Variants in FAF1 observed in about 807,000 individuals in gnomAD.
The protein encoded by FAF1 is Fas associated factor 1.
Under a neutral mutation model 92.5 loss-of-function variants are expected in FAF1, and 25 were observed. The observed-to-expected ratio is 0.27, with a 90% CI of 0.20 to 0.38. The LOEUF (loss-of-function observed/expected upper bound fraction) is 0.38. FAF1 is among the 10% of genes least tolerant of loss of function. The pLI is 1.00. For synonymous variants in FAF1, 234 were observed against 273.2 expected, an observed-to-expected ratio of 0.86 and a Z score of 1.42; for missense variants, 636 against 793.3, an observed-to-expected ratio of 0.80 and a Z score of 2.38.
chr1:50,832,316 C>G (rs1644162043), intron 2 of FAF1, among the ~76,000 whole-genome samples: 1 of 152,112 alleles, frequency 6.6e-6, no homozygotes, highest in Admixed American at 6.6e-5. Flanking sequence ...CACCAGCAGC[C>G]TCAACAGTTG....
chr1:50,948,688 A>T (rs2124760439), intron 1 of FAF1, among the ~76,000 whole-genome samples: 1 of 152,136 alleles, frequency 6.6e-6, no homozygotes, highest in East Asian at 1.9e-4. Flanking sequence ...GCACGCCACC[A>T]TACCCAGCTG....
chr1:50,932,949 C>G (rs1295749413), intron 1 of FAF1, among the ~76,000 whole-genome samples: 3 of 152,222 alleles, frequency 2.0e-5, no homozygotes, highest in Admixed American at 1.3e-4. Flanking sequence ...CCCTCTCAAG[C>G]CATAGCCCAA....
intron 1 of FAF1, among the ~76,000 whole-genome samples, chr1:50,893,108 G>C (rs1198755193): frequency 6.6e-6 from 1 of 151,830 alleles, no homozygotes; most frequent in East Asian, 1.9e-4. Context: ...GAATTTCTTT[G>C]AGTTTCCCTC....
chr1:50,820,230 C>A (rs147983396), intron 2 of FAF1, among the ~76,000 whole-genome samples: 5 of 152,130 alleles, frequency 3.3e-5, no homozygotes, highest in African/African-American at 1.2e-4. Context: ...ACAATGTGAA[C>A]ATAGTTAATG....
intron 4 of FAF1, among the ~76,000 whole-genome samples, chr1:50,746,263 TATATATATATATATATATATATATA>T (rs1659588315): frequency 9.5e-5 from 2 of 21,058 alleles, no homozygotes; most frequent in South Asian, 2.9e-3. Flanking sequence ...TATATATATA[TATATATATATATATATATATATATA>T]TATATTTTTT....
At chr1:50,555,451 A>C (rs992541767) in intron 13 of FAF1, among the ~76,000 whole-genome samples, 2 of 152,220 alleles carry the variant, frequency 1.3e-5, no homozygotes, top group African/African-American at 4.8e-5. Flanking sequence ...TGGGGAAACA[A>C]CATGAACAGA....
intron 1 of FAF1, among the ~76,000 whole-genome samples, chr1:50,952,843 T>C (rs1419776995): frequency 2.6e-5 from 4 of 152,052 alleles, no homozygotes; most frequent in Non-Finnish European, 5.9e-5. Flanking sequence ...AGCCGCCCCG[T>C]CTGGGAAGTG....
chr1:50,771,031 G>A (rs559087781), intron 4 of FAF1, among the ~76,000 whole-genome samples: 2 of 152,272 alleles, frequency 1.3e-5, no homozygotes, highest in Non-Finnish European at 2.9e-5. Context: ...AATGGTGTTG[G>A]GGTAGCTGGT....
intron 9 of FAF1, among the ~76,000 whole-genome samples, chr1:50,594,586 G>A (rs183974357): frequency 1.6e-3 from 238 of 148,228 alleles, no homozygotes; most frequent in African/African-American, 5.2e-3. Flanking sequence ...TGGGCCAGGC[G>A]TGGTGGCTCA....
At chr1:50,514,604 A>G (rs1647185127) in intron 15 of FAF1, among the ~76,000 whole-genome samples, 1 of 152,228 alleles carries the variant, frequency 6.6e-6, no homozygotes, top group South Asian at 2.1e-4. Context: ...ATTCACAAGT[A>G]GCAAGTAACT....
chr1:50,530,512 G>T (rs1648094967), intron 15 of FAF1, among the ~76,000 whole-genome samples: 1 of 151,342 alleles, frequency 6.6e-6, no homozygotes, highest in Non-Finnish European at 1.5e-5. Context: ...GTGGGGGGAG[G>T]TGGGGATGTT....
At chr1:50,933,159 T>C (rs755025103) in intron 1 of FAF1, among the ~76,000 whole-genome samples, 2 of 152,216 alleles carry the variant, frequency 1.3e-5, no homozygotes, top group Non-Finnish European at 2.9e-5. Flanking sequence ...ATTAGGCTCC[T>C]TGCTACTTAT....
At chr1:50,642,072 G>C (rs1399176606) in intron 8 of FAF1, among the ~76,000 whole-genome samples, 3 of 151,492 alleles carry the variant, frequency 2.0e-5, no homozygotes, top group Admixed American at 2.0e-4. Flanking sequence ...GCATGGTGGC[G>C]GGTGCCCGTA....
chr1:50,887,721 T>G (rs1256520836), intron 1 of FAF1, among the ~76,000 whole-genome samples: 1 of 152,240 alleles, frequency 6.6e-6, no homozygotes, highest in Admixed American at 6.5e-5. Context: ...GGCTCTGTTC[T>G]GTTCCATTGG....
At chr1:50,444,443 A>G (rs1310905426) in intron 18 of FAF1, among the ~76,000 whole-genome samples, 1 of 152,222 alleles carries the variant, frequency 6.6e-6, no homozygotes, top group Non-Finnish European at 1.5e-5. Context: ...GCTGATAAGT[A>G]GAAGACAGAG....
intron 18 of FAF1, among the ~76,000 whole-genome samples, chr1:50,468,789 T>G (rs970567558): frequency 1.3e-5 from 2 of 151,984 alleles, no homozygotes; most frequent in African/African-American, 4.8e-5. Flanking sequence ...AGAGGCAGGG[T>G]TTCATCATGT....
chr1:50,694,618 T>C (rs1372330732), intron 7 of FAF1, among the ~76,000 whole-genome samples: 1 of 150,578 alleles, frequency 6.6e-6, no homozygotes, highest in Admixed American at 6.6e-5. Flanking sequence ...CTATGGTAAC[T>C]ACCATAACGT....
intron 6 of FAF1, among the ~76,000 whole-genome samples, chr1:50,733,825 C>G (rs1569855337): frequency 6.6e-6 from 1 of 152,320 alleles, no homozygotes; most frequent in East Asian, 1.9e-4. Context: ...CAGTTCCATA[C>G]CCACTCTGCT....
intron 7 of FAF1, among the ~76,000 whole-genome samples, chr1:50,658,470 T>C (rs1298196493): frequency 1.3e-5 from 2 of 152,210 alleles, no homozygotes; most frequent in Non-Finnish European, 2.9e-5. Context: ...ATAAACAGTA[T>C]TTTCTTTTTT....
Sources: allele counts gnomAD v4.1 joint callset (sites outside exome capture counted in the v4.1 genomes callset), GRCh38; gene constraint gnomAD v4.1.1; transcripts MANE v1.5; gene names NCBI Gene and HGNC (gene_info 2026-07-23, HGNC 2026-07-21).